CAMTA1: variants seen among roughly 807,000 people sequenced by gnomAD.
CAMTA1 encodes calmodulin binding transcription activator 1.
A neutral mutation model predicts 170.9 loss-of-function variants in CAMTA1; 27 were observed. The ratio of observed to expected loss-of-function variants is 0.16; its 90% confidence interval spans 0.12 to 0.22. CAMTA1 has a LOEUF of 0.22. CAMTA1 is among the 10% of genes least tolerant of loss of function. The probability of loss-of-function intolerance (pLI) is 1.00; values close to 1 mark genes in which losing one functional copy is unlikely to be tolerated. For synonymous variants in CAMTA1, 833 were observed against 891.5 expected, an observed-to-expected ratio of 0.93 and a Z score of 1.17; for missense variants, 1,619 against 2,217.2, an observed-to-expected ratio of 0.73 and a Z score of 5.42.
chr1:7,359,313 G>C (rs2085365196), intron 5 of CAMTA1, among the ~76,000 whole-genome samples: 1 of 152,182 alleles, frequency 6.6e-6, no homozygotes, highest in Admixed American at 6.5e-5. Flanking sequence ...TCATAAAAGA[G>C]CTGGGCACCT....
intron 6 of CAMTA1, among the ~76,000 whole-genome samples, chr1:7,537,100 T>C (rs1329817492): frequency 1.8e-4 from 27 of 152,188 alleles, no homozygotes; most frequent in Admixed American, 1.8e-3. Context: ...AGCTGTGGGC[T>C]ACAGCGGGCG....
chr1:7,154,046 G>A (rs954417227), intron 4 of CAMTA1, among the ~76,000 whole-genome samples: 2 of 152,220 alleles, frequency 1.3e-5, no homozygotes, highest in Non-Finnish European at 2.9e-5. Context: ...GATGAGCAGG[G>A]CCCTGGAATT....
In CAMTA1 at chr1:7,010,484, C is replaced by A. The variant is rs1445325061; in HGVS notation, c.235-80820C>A. 2.6e-5 allele frequency among the ~76,000 whole-genome samples: 4 copies of A among 152,160 alleles called. No homozygotes were observed. The highest frequency in any genetic ancestry group is 4.8e-5 in the African/African-American group (2 of 41,440). On this transcript the variant is annotated intron_variant, in intron 3 of 22. Coordinates refer to ENST00000303635, the MANE Select transcript of CAMTA1 (RefSeq NM_015215.4). This position sits in a 1 kb window ranked among gnomAD's most constrained non-coding sequence, Gnocchi z 4.4. ...CTTTCTGAACACAGTCTGCGTCCTT[C>A]CTTATTTTTTGTTATCTTGGCTGTT...
At chr1:6,917,905 C>T (rs1681190742) in intron 3 of CAMTA1, among the ~76,000 whole-genome samples, 1 of 151,812 alleles carries the variant, frequency 6.6e-6, no homozygotes, top group Non-Finnish European at 1.5e-5. Flanking sequence ...GACAGTATTT[C>T]AGCAGGTGGA....
At chr1:6,990,831 ATG>A (rs1245286844) in intron 3 of CAMTA1, among the ~76,000 whole-genome samples, 6 of 150,160 alleles carry the variant, frequency 4.0e-5, no homozygotes, top group African/African-American at 9.8e-5. Flanking sequence ...TTATATATAT[ATG>A]TGTGTGTGTG....
At chr1:7,440,030 C>G (rs1193226) in intron 5 of CAMTA1, among the ~76,000 whole-genome samples, 80,442 of 152,222 alleles carry the variant, frequency 0.53, 23,472 homozygotes, top group African/African-American at 0.76. Flanking sequence ...GCTCCTGGAA[C>G]GCAGGCAGCA....
In CAMTA1 at chr1:7,480,310, TGTAA is replaced by T. The variant is rs544618046; in HGVS notation, c.510+12412_510+12415del. Among the ~76,000 whole-genome samples, 729 of 144,128 alleles carry T rather than the reference TGTAA, an allele frequency of 5.1e-3. 3 individuals are homozygous for T. The highest frequency in any genetic ancestry group is 6.5e-3 in the Admixed American group (96 of 14,660). 94.6% of individuals were successfully genotyped at this position (144,128 alleles called of 152,430 possible). On this transcript the variant is annotated intron_variant, in intron 6 of 22. Coordinates refer to ENST00000303635, the MANE Select transcript of CAMTA1 (RefSeq NM_015215.4). ...GAGTGCGTGTGTGTATGAGTGCATT[TGTAA>T]GTGTGTGTGTGTATGAGTGCATGTA...
chr1:7,648,425 A>G (rs1009947175), intron 7 of CAMTA1, among the ~76,000 whole-genome samples: 21 of 150,206 alleles, frequency 1.4e-4, no homozygotes, highest in African/African-American at 4.9e-4. Flanking sequence ...AAGGGAAGAG[A>G]GCTGCAAAAA....
chr1:7,033,505 T>C (rs970377068), intron 3 of CAMTA1, among the ~76,000 whole-genome samples: 1 of 152,138 alleles, frequency 6.6e-6, no homozygotes, highest in Non-Finnish European at 1.5e-5. Context: ...CTTCTTTGTA[T>C]GCCTGGGAAT....
chr1:7,226,785 C>T (rs1265732568), intron 4 of CAMTA1, among the ~76,000 whole-genome samples: 1 of 152,100 alleles, frequency 6.6e-6, no homozygotes, highest in Non-Finnish European at 1.5e-5. Flanking sequence ...ACTATTCTAT[C>T]AATATCCTGT....
rs2096079412 is a variant in CAMTA1, at chr1:7,673,522, G to A, written c.2779+2485G>A. Among the ~76,000 whole-genome samples, 1 of 152,168 alleles carries A rather than the reference G, an allele frequency of 6.6e-6. No individual in the cohort carries two copies. The highest frequency in any genetic ancestry group is 2.1e-4 in the South Asian group (1 of 4,836). ...AACAGGCAGTTCTCCTGGTCCTGGG[G>A]CATTTCTGGGTCCCCAGAGATGGCA... On this transcript the variant is annotated intron_variant, in intron 10 of 22. Transcript: ENST00000303635. The surrounding 1 kb of genome is among the most constrained non-coding windows in gnomAD (Gnocchi z 4.6).
intron 5 of CAMTA1, among the ~76,000 whole-genome samples, chr1:7,446,195 A>G (rs1201471137): frequency 2.0e-5 from 3 of 151,592 alleles, no homozygotes; most frequent in Non-Finnish European, 4.4e-5. Context: ...AAAAAAAAAA[A>G]GCCTAGCAAA....
chr1:7,690,475 C>T (rs1207486450), intron 11 of CAMTA1, among the ~76,000 whole-genome samples: 3 of 152,364 alleles, frequency 2.0e-5, no homozygotes, highest in Admixed American at 2.0e-4. Flanking sequence ...CCCAGCCCCA[C>T]ACCCCATTTG....
chr1:7,712,396 C>G (rs942342903), intron 11 of CAMTA1, among the ~76,000 whole-genome samples: 3 of 152,032 alleles, frequency 2.0e-5, no homozygotes, highest in Non-Finnish European at 4.4e-5. Context: ...TCTCGGCTCA[C>G]TGCAACTCCC....
chr1:7,521,431 C>T (rs1015601466), intron 6 of CAMTA1, among the ~76,000 whole-genome samples: 1 of 152,130 alleles, frequency 6.6e-6, no homozygotes, highest in Non-Finnish European at 1.5e-5. Flanking sequence ...CCACCAGTCT[C>T]ATTCCGTTTT....
chr1:7,201,401 G>T lies in CAMTA1; in HGVS notation c.303-48090G>T, dbSNP rs72859294. Among the ~76,000 whole-genome samples, 621 of 152,078 alleles carry T rather than the reference G, an allele frequency of 4.1e-3. 3 individuals are homozygous for T. Among genetic ancestry groups the T allele is most frequent in the African/African-American group, 0.014 (600 of 41,456 alleles). ...TCATTTCTTTTTTGGGTATCCACCT[G>T]AGTAAAATTGCTGGGTCACATGGTA... On this transcript the variant is annotated intron_variant, in intron 4 of 22. Transcript: ENST00000303635.
At chr1:6,922,146 T>C (rs1213100366) in intron 3 of CAMTA1, among the ~76,000 whole-genome samples, 1 of 152,256 alleles carries the variant, frequency 6.6e-6, no homozygotes, top group African/African-American at 2.4e-5. Flanking sequence ...CCTGTTTTTT[T>C]AACTCCCCCT....
At chr1:6,939,898 G>A (rs1286055517) in intron 3 of CAMTA1, among the ~76,000 whole-genome samples, 1 of 152,240 alleles carries the variant, frequency 6.6e-6, no homozygotes, top group Non-Finnish European at 1.5e-5. Context: ...GCAACTGGGC[G>A]AGTGCCGGGC....
intron 4 of CAMTA1, among the ~76,000 whole-genome samples, chr1:7,166,011 T>C (rs1439500572): frequency 6.6e-6 from 1 of 152,034 alleles, no homozygotes; most frequent in Admixed American, 6.6e-5. Context: ...AGAATTTTAT[T>C]GCATTAACAT....
Sources: allele counts gnomAD v4.1 joint callset (sites outside exome capture counted in the v4.1 genomes callset), GRCh38; gene constraint gnomAD v4.1.1; non-coding constraint Gnocchi (gnomAD v3.1); transcripts MANE v1.5; gene names NCBI Gene and HGNC (gene_info 2026-07-23, HGNC 2026-07-21).